The following PIK3C2A variants were observed in gnomAD, a reference collection of about 807,000 sequenced individuals.
PIK3C2A encodes phosphatidylinositol-4-phosphate 3-kinase catalytic subunit type 2 alpha, also known as phosphatidylinositol 4-phosphate 3-kinase C2 domain-containing subunit alpha.
PIK3C2A carries 97 observed loss-of-function variants against 204.5 expected under a neutral mutation model. That is an observed-to-expected ratio of 0.47 (90% confidence interval 0.40 to 0.56). The LOEUF (loss-of-function observed/expected upper bound fraction) is 0.56, where lower values mean the gene tolerates loss of function less well. Ranked by LOEUF, PIK3C2A falls within the 20% of genes least tolerant of loss-of-function variation. PIK3C2A has a pLI of 0.00. For missense variants in PIK3C2A, 1,735 were observed against 1,969.2 expected (o/e 0.88, Z 2.25); for synonymous variants, 653 against 664.4 (o/e 0.98, Z 0.26).
chr11:17,137,022 G>A (rs1849894027), intron 8 of PIK3C2A, among the ~76,000 whole-genome samples: 2 of 152,092 alleles, frequency 1.3e-5, no homozygotes, highest in Non-Finnish European at 2.9e-5. Context: ...GTTCTTCAGA[G>A]GTCGGTCACA....
rs188806810 is a variant in PIK3C2A, at chr11:17,160,634, G to C, written c.1066-5005C>G. Among the ~76,000 whole-genome samples, 4 of 152,122 alleles carry C rather than the reference G, an allele frequency of 2.6e-5. No individual in the cohort carries two copies. The East Asian group carries it at 7.7e-4, about 29-fold the overall frequency. ...AGTCCAGGAGATGGAGACCAGCCTA[G>C]GCAACATAGTGAAACCCCATCTCTA... On this transcript the variant is annotated intron_variant, in intron 2 of 32. Coordinates refer to ENST00000691414, the MANE Select transcript of PIK3C2A (RefSeq NM_002645.4).
intron 8 of PIK3C2A, among the ~76,000 whole-genome samples, chr11:17,141,553 C>T (rs1423724684): frequency 6.6e-6 from 1 of 152,176 alleles, no homozygotes; most frequent in Non-Finnish European, 1.5e-5. Context: ...GTAAATCTTA[C>T]ATAAACCACG....
In PIK3C2A at chr11:17,110,437, T is replaced by C; in HGVS notation, c.3539A>G (p.Asp1180Gly). ...GACACAGCTAATAAACTTACCTCGA[T>C]CTCTGCCAGTTGAGAGACATTTGAA... ...VIFKCLSTGR[D>G]RGMVELVPAS... The change falls in exon 22 of 33, where the codon GAT (aspartate) becomes GGT (glycine). Residue 1180 changes from aspartate (D) to glycine (G), a missense_variant. Around this residue, in one of 6 missense-constraint regions of PIK3C2A, gnomAD observed 503 missense variants for 669.0 expected, o/e 0.75. Coordinates refer to ENST00000691414, the MANE Select transcript of PIK3C2A (RefSeq NM_002645.4). The C allele has an allele frequency of 1.9e-6, 3 of 1,609,448 alleles. No individual in the cohort carries two copies. In the South Asian group the frequency reaches 3.3e-5, roughly 18 times the overall value.
At position 17,109,135 on chromosome 11, in the gene PIK3C2A, C is replaced by T. The variant is rs185624168; in HGVS notation, c.3544+1297G>A. Among the ~76,000 whole-genome samples, 4 of 152,290 alleles carry T rather than the reference C, an allele frequency of 2.6e-5. No individual in the cohort carries two copies. In the East Asian group the frequency reaches 5.8e-4, roughly 22 times the overall value. On this transcript the variant is annotated intron_variant, in intron 22 of 32. Coordinates refer to ENST00000691414, the MANE Select transcript of PIK3C2A (RefSeq NM_002645.4). ...AATTGAATGGCAAATATTGGAAGGA[C>T]GATTATCTTTCAGGTGATTTCCTAG...
At chr11:17,197,564 A>C (rs1852204573) in intron 1 of PIK3C2A, among the ~76,000 whole-genome samples, 1 of 152,160 alleles carries the variant, frequency 6.6e-6, no homozygotes, top group Non-Finnish European at 1.5e-5. Context: ...CTATGTCTGC[A>C]TATGTGTATC....
chr11:17,152,135 C>G (rs1013907230), intron 3 of PIK3C2A, among the ~76,000 whole-genome samples: 4 of 152,084 alleles, frequency 2.6e-5, no homozygotes, highest in Non-Finnish European at 5.9e-5. Context: ...TAAAATAAGT[C>G]CTTTCTTTTA....
intron 9 of PIK3C2A, 148 bp from the exon 10 acceptor site, chr11:17,135,307 G>T: frequency 2.5e-6 from 2 of 790,372 alleles, no homozygotes; most frequent in Non-Finnish European, 4.1e-6. Flanking sequence ...AATGCAAAAA[G>T]AAAGGGAAAA....
At chr11:17,170,063 C>G (rs1386278333) in intron 1 of PIK3C2A, among the ~76,000 whole-genome samples, 1 of 152,152 alleles carries the variant, frequency 6.6e-6, no homozygotes, top group African/African-American at 2.4e-5. Flanking sequence ...AGTAAATGAA[C>G]TTTAGACGCT....
At chr11:17,130,445 G>T (rs1202230743) in intron 12 of PIK3C2A, among the ~76,000 whole-genome samples, 1 of 152,100 alleles carries the variant, frequency 6.6e-6, no homozygotes, top group Non-Finnish European at 1.5e-5. Flanking sequence ...AATAAATGTG[G>T]AACGAATAGT....
chr11:17,174,792 C>G (rs1851287527), intron 1 of PIK3C2A, among the ~76,000 whole-genome samples: 1 of 152,018 alleles, frequency 6.6e-6, no homozygotes, highest in Admixed American at 6.5e-5. Flanking sequence ...ATCCCAGCTA[C>G]TCAGAAGGCT....
At chr11:17,146,075 T>C (rs562305782) in intron 6 of PIK3C2A, 133 bp from the exon 7 acceptor site, 1 of 594,384 alleles carries the variant, frequency 1.7e-6, no homozygotes, top group South Asian at 2.6e-5. Context: ...TAAAATTCTA[T>C]CAGAATTAAA....
intron 24 of PIK3C2A, among the ~76,000 whole-genome samples, chr11:17,102,005 A>G (rs941583312): frequency 6.6e-6 from 1 of 152,252 alleles, no homozygotes; most frequent in East Asian, 1.9e-4. Context: ...GGTGATATTT[A>G]TAAATCCACA....
intron 2 of PIK3C2A, among the ~76,000 whole-genome samples, chr11:17,165,682 A>T (rs1279481552): frequency 6.7e-6 from 1 of 148,632 alleles, no homozygotes; most frequent in Admixed American, 6.8e-5. Flanking sequence ...GGCTGAGGCA[A>T]TAGAATCGCT....
intron 1 of PIK3C2A, among the ~76,000 whole-genome samples, chr11:17,175,391 G>A (rs61879729): frequency 6.6e-6 from 1 of 152,132 alleles, no homozygotes; most frequent in African/African-American, 2.4e-5. Context: ...GGCAATAAAA[G>A]GACTTAACAG....
intron 2 of PIK3C2A, among the ~76,000 whole-genome samples, chr11:17,167,773 TCACGTTAA>T (rs1164664177): frequency 6.6e-6 from 1 of 152,194 alleles, no homozygotes; most frequent in Non-Finnish European, 1.5e-5. Flanking sequence ...GAATATTAAT[TCACGTTAA>T]AGTGAGAATG....
Position 17,114,394 on chromosome 11 carries a change from C to G in PIK3C2A, c.3288G>C (p.Lys1096Asn), listed in dbSNP as rs1328005196. The change falls in exon 20 of 33, where the codon AAG becomes AAC. Residue 1096 changes from lysine to asparagine, a missense_variant. This residue lies in a region of PIK3C2A where 567 missense variants were observed against 576.0 expected (regional missense o/e 0.98). Transcript: ENST00000691414. ...TTAATTCTTTTGCCACTAGACTTGG[C>G]TTGAGAGGGAGACGGCATTTATTTT... ...FQKNKCRLPL[K>N]PSLVAKELNI... 8.2e-6 allele frequency: 13 copies of G among 1,582,872 alleles called. No homozygotes were observed. The highest frequency in any genetic ancestry group is 1.7e-5 in the Admixed American group (1 of 59,932).
At chr11:17,118,823 A>T (rs1485575422) in intron 17 of PIK3C2A, 84 bp from the exon 18 acceptor site, 1 of 680,510 alleles carries the variant, frequency 1.5e-6, no homozygotes, top group Non-Finnish European at 2.6e-6. Flanking sequence ...GAAACTATAT[A>T]AAGCAAGTAT....
At chr11:17,157,337 G>A (rs933283850) in intron 2 of PIK3C2A, among the ~76,000 whole-genome samples, 12 of 151,836 alleles carry the variant, frequency 7.9e-5, no homozygotes, top group African/African-American at 2.9e-4. Context: ...GCAAGTGCTT[G>A]TAATTCAAGC....
At chr11:17,201,544 GAAAAAAGA>G (rs1852384776) in intron 1 of PIK3C2A, among the ~76,000 whole-genome samples, 11 of 30,800 alleles carry the variant, frequency 3.6e-4, no homozygotes, top group East Asian at 2.9e-3. Flanking sequence ...AAAAAAAAAA[GAAAAAAGA>G]AAAAAAAAAA....
Sources: gnomAD v4.1 joint callset for allele counts (sites outside exome capture counted in the v4.1 genomes callset) on GRCh38, gnomAD v4.1.1 for gene constraint, gnomAD v4.1.1 regional missense constraint, MANE v1.5 for transcripts, NCBI Gene and HGNC (gene_info 2026-07-23, HGNC 2026-07-21) for gene names.